Variants in OTX2 observed in about 807,000 individuals in gnomAD.
OTX2 encodes the protein orthodenticle homeobox 2.
A neutral mutation model predicts 29.0 loss-of-function variants in OTX2; 4 were observed. That is an observed-to-expected ratio of 0.14 (90% confidence interval 0.07 to 0.32). The LOEUF (loss-of-function observed/expected upper bound fraction) is 0.32. Among genes scored for constraint, OTX2 ranks in the 10% least tolerant of loss-of-function variants. The pLI, the probability that OTX2 is intolerant of heterozygous loss-of-function variation, is 1.00. For missense variants in OTX2, 298 were observed against 365.9 expected (o/e 0.81, Z 1.51); for synonymous variants, 134 against 141.0 (o/e 0.95, Z 0.35).
At chr14:56,805,114 A>G (rs1892035638) in intron 3 of OTX2, among the ~76,000 whole-genome samples, 1 of 152,186 alleles carries the variant, frequency 6.6e-6, no homozygotes, top group Admixed American at 6.5e-5. Flanking sequence ...TCGAATTAAG[A>G]ATAAAGTGAT....
chr14:56,808,367 G>C (rs538012871), intron 2 of OTX2, among the ~76,000 whole-genome samples: 97 of 152,252 alleles, frequency 6.4e-4, no homozygotes, highest in African/African-American at 2.2e-3. Flanking sequence ...CTGGGAAGAC[G>C]ACGAAGAGGA....
chr14:56,805,670 G>A (rs1566625654), intron 2 of OTX2, 95 bp from the exon 3 acceptor site: 2 of 574,218 alleles, frequency 3.5e-6, no homozygotes. Context: ...AAAAGAGCAC[G>A]GACTAGGCGA....
chr14:56,801,756 C>T lies in OTX2; in HGVS notation c.873G>A (p.Ser291=), dbSNP rs759833842. 1.3e-5 allele frequency: 21 copies of T among 1,613,954 alleles called. No individual in the cohort carries two copies. Among genetic ancestry groups the T allele is most frequent in the East Asian group, 6.7e-5 (3 of 44,884 alleles). ...DCLDYKDQTS[S]WKFQVL The stretch of plus-strand genomic sequence containing the variant: ...GTCTTCACAAAACCTGGAATTTCCA[C>T]GAGGATGTCTGATCTTTATAATCCA... Residue 291 remains serine, a synonymous_variant, in exon 5 of 5, where the codon TCG becomes TCA. Coordinates refer to ENST00000672264, the MANE Select transcript of OTX2 (RefSeq NM_021728.4). This position sits in a 1 kb window ranked among gnomAD's most constrained non-coding sequence, Gnocchi z 4.2.
Position 56,801,568 on chromosome 14 carries a change from T to C in OTX2, c.*167A>G. On this transcript the variant is annotated 3_prime_UTR_variant, in exon 5 of 5. Transcript: ENST00000672264. The surrounding 1 kb of genome is among the most constrained non-coding windows in gnomAD (Gnocchi z 4.2). ...TTGTCCATTTCATGTTGCTGGTTTG[T>C]AGGCCCCTCTAAGGCCCTTCGTTTT... 1 of 685,582 alleles carries C rather than the reference T, an allele frequency of 1.5e-6. No individual in the cohort carries two copies. Among genetic ancestry groups the C allele is most frequent in the South Asian group, 1.8e-5 (1 of 57,102 alleles). 42.5% of individuals were successfully genotyped at this position (685,582 alleles called of 1,614,324 possible).
intron 2 of OTX2, 159 bp from the exon 3 acceptor site, chr14:56,805,734 C>A: frequency 2.4e-6 from 1 of 410,822 alleles, no homozygotes. Flanking sequence ...ATCCCCACCC[C>A]CACCCCCAGC....
At chr14:56,808,909 C>T (rs1478214475) in intron 2 of OTX2, among the ~76,000 whole-genome samples, 2 of 152,234 alleles carry the variant, frequency 1.3e-5, no homozygotes, top group African/African-American at 2.4e-5. Flanking sequence ...TCAAGAGTCA[C>T]TTGAACGCAA....
At chr14:56,805,284 A>G in intron 3 of OTX2, 76 bp downstream of exon 3, 1 of 990,070 alleles carries the variant, frequency 1.0e-6, no homozygotes, top group South Asian at 1.3e-5. Flanking sequence ...CCCGTGTTCC[A>G]TGGGAACAGG....
Position 56,804,140 on chromosome 14 carries a change from G to A in OTX2, c.273+48C>T, listed in dbSNP as rs535010056. On this transcript the variant is annotated intron_variant, in intron 4 of 4. Coordinates refer to ENST00000672264, the MANE Select transcript of OTX2 (RefSeq NM_021728.4). The surrounding 1 kb of genome is among the most constrained non-coding windows in gnomAD (Gnocchi z 4.1). ...GGGCTCTCCACAGTCCCATACTCGG[G>A]AAGGGTGGCATGATCAGGAAGGATG... 1.1e-5 allele frequency: 17 copies of A among 1,605,874 alleles called. No individual in the cohort carries two copies. The highest frequency in any genetic ancestry group is 1.3e-5 in the Non-Finnish European group (15 of 1,172,692).
intron 2 of OTX2, among the ~76,000 whole-genome samples, chr14:56,807,102 T>C (rs1213331624): frequency 6.6e-6 from 1 of 152,240 alleles, no homozygotes; most frequent in Non-Finnish European, 1.5e-5. Context: ...CATGCTTTTC[T>C]ACCCTAAGAT....
chr14:56,808,712 G>A (rs1384003494), intron 2 of OTX2, among the ~76,000 whole-genome samples: 1 of 152,152 alleles, frequency 6.6e-6, no homozygotes, highest in Non-Finnish European at 1.5e-5. Flanking sequence ...CTAGGATGGA[G>A]GGGAGAATTT....
rs1337262345 is a variant in OTX2, at chr14:56,801,633, A to G, written c.*102T>C. 1 of 1,320,440 alleles carries G rather than the reference A, an allele frequency of 7.6e-7. No homozygotes were observed. 81.8% of individuals were successfully genotyped at this position (1,320,440 alleles called of 1,614,324 possible). On this transcript the variant is annotated 3_prime_UTR_variant, in exon 5 of 5. Transcript: ENST00000672264. The surrounding 1 kb of genome is among the most constrained non-coding windows in gnomAD (Gnocchi z 4.2). ...TCGGAACTTTGATCAGATGAGTCTGAGCATCATCCCATCTAACTCTTTTAA... is the reference window on the plus strand; with the variant it reads ...TCGGAACTTTGATCAGATGAGTCTGGGCATCATCCCATCTAACTCTTTTAA...
chr14:56,806,233 T>C (rs1892086415), intron 2 of OTX2, among the ~76,000 whole-genome samples: 1 of 152,240 alleles, frequency 6.6e-6, no homozygotes, highest in Admixed American at 6.5e-5. Flanking sequence ...ATTCCACATT[T>C]GAAGTCATTT....
At position 56,802,160 on chromosome 14, in the gene OTX2, C is replaced by T. The variant is rs2139528750; in HGVS notation, c.469G>A (p.Val157Met). 1.2e-6 allele frequency: 2 copies of T among 1,614,112 alleles called. No homozygotes were observed. The highest frequency in any genetic ancestry group is 1.7e-6 in the Non-Finnish European group (2 of 1,179,986). ...ATGGAAGCTGGGCTCCAGATAGACA[C>T]AGGAGCACTGCTGCTGGCAATGGTC... Reference protein sequence around the residue: ...VPTIASSSAPVSIWSPASISP... With the variant: ...VPTIASSSAPMSIWSPASISP... Residue 157 changes from valine (V) to methionine (M), a missense_variant, in exon 5 of 5, where the codon GTG (valine) becomes ATG (methionine). Around this residue, in one of 3 missense-constraint regions of OTX2, gnomAD observed 219 missense variants for 223.5 expected, o/e 0.98. Coordinates refer to ENST00000672264, the MANE Select transcript of OTX2 (RefSeq NM_021728.4). This position sits in a 1 kb window ranked among gnomAD's most constrained non-coding sequence, Gnocchi z 4.4.
chr14:56,806,245 C>T (rs898467487), intron 2 of OTX2, among the ~76,000 whole-genome samples: 23 of 152,076 alleles, frequency 1.5e-4, no homozygotes, highest in African/African-American at 4.8e-4. Flanking sequence ...AAGTCATTTC[C>T]GGTAATCATT....
intron 2 of OTX2, among the ~76,000 whole-genome samples, chr14:56,808,207 GT>G (rs1250515755): frequency 2.6e-5 from 4 of 151,898 alleles, no homozygotes; most frequent in African/African-American, 2.4e-5. Flanking sequence ...TATAATAAAT[GT>G]TTTCTTGATA....
chr14:56,802,910 G>A lies in OTX2; in HGVS notation c.274-555C>T, dbSNP rs918435240. Among the ~76,000 whole-genome samples the A allele has an allele frequency of 2.0e-5, 3 of 152,198 alleles. No individual in the cohort carries two copies. The East Asian group carries it at 5.8e-4, about 29-fold the overall frequency. ...TCACAGAACAAAGCTCCAAGGGGAAGACATGATCTTGTTGAAGAAAGAGGT... is the reference window on the plus strand; with the variant it reads ...TCACAGAACAAAGCTCCAAGGGGAAAACATGATCTTGTTGAAGAAAGAGGT... On this transcript the variant is annotated intron_variant, in intron 4 of 4. Coordinates refer to ENST00000672264, the MANE Select transcript of OTX2 (RefSeq NM_021728.4). The surrounding 1 kb of genome is among the most constrained non-coding windows in gnomAD (Gnocchi z 4.4).
intron 1 of OTX2, 36 bp downstream of exon 1, chr14:56,810,340 G>A (rs1892233251): frequency 6.6e-6 from 1 of 152,228 alleles, no homozygotes; most frequent in African/African-American, 2.4e-5. Context: ...GGCGGCTAGA[G>A]TTCTAAACAC....
intron 2 of OTX2, among the ~76,000 whole-genome samples, chr14:56,808,785 G>A: frequency 6.6e-6 from 1 of 152,354 alleles, no homozygotes; most frequent in Admixed American, 6.5e-5. Flanking sequence ...GCGCCGCTCG[G>A]CCTTCGCTCC....
In OTX2 at chr14:56,801,810, G is replaced by C; in HGVS notation, c.819C>G (p.Ser273=). ...DCLDYKDQTA[S]WKLNFNADCL... ...AGTCAGCATTGAAGTTAAGCTTCCAGGAGGCAGTTTGGTCCTTATAATCCA... is the reference window on the plus strand; with the variant it reads ...AGTCAGCATTGAAGTTAAGCTTCCACGAGGCAGTTTGGTCCTTATAATCCA... Residue 273 remains serine, a synonymous_variant, in exon 5 of 5, where the codon TCC becomes TCG. Transcript: ENST00000672264. The surrounding 1 kb of genome is among the most constrained non-coding windows in gnomAD (Gnocchi z 4.2). 6.2e-7 allele frequency: 1 copy of C among 1,614,170 alleles called. No homozygotes were observed. The highest frequency in any genetic ancestry group is 8.5e-7 in the Non-Finnish European group (1 of 1,180,028).
Sources: gnomAD v4.1 joint callset for allele counts (sites outside exome capture counted in the v4.1 genomes callset) on GRCh38, gnomAD v4.1.1 for gene constraint, gnomAD v4.1.1 regional missense constraint, Gnocchi (gnomAD v3.1) non-coding constraint, MANE v1.5 for transcripts, NCBI Gene and HGNC (gene_info 2026-07-23, HGNC 2026-07-21) for gene names.